Variants in RPL37A observed in about 807,000 individuals in gnomAD.
RPL37A encodes ribosomal protein L37a.
Under a neutral mutation model 13.6 loss-of-function variants are expected in RPL37A, and 5 were observed. The observed-to-expected ratio is 0.37, with a 90% CI of 0.19 to 0.78. RPL37A has a LOEUF of 0.78. Among genes scored for constraint, RPL37A ranks in the 30% least tolerant of loss-of-function variants. RPL37A has a pLI of 0.49. For missense variants in RPL37A, 77 were observed against 120.0 expected (o/e 0.64, Z 1.67); for synonymous variants, 50 against 44.4 (o/e 1.13, Z -0.50).
chr2:216,502,781 A>C lies in RPL37A; in HGVS notation c.*1377A>C, dbSNP rs1486207901. ...AGGACAGAGTAAAAACCTTTATTTC[A>C]CTTGGTCTGACCCCTATCTTCTATA... is the stretch of plus-strand genomic sequence containing the variant. On this transcript the variant is annotated 3_prime_UTR_variant, in exon 4 of 4. Transcript: ENST00000491306. 6.6e-6 allele frequency: 1 copy of C among 152,182 alleles called. No homozygotes were observed. The highest frequency in any genetic ancestry group is 1.5e-5 in the Non-Finnish European group (1 of 68,032). The allele number at this position is 152,182 out of a possible 1,614,324, so 9.4% of individuals were successfully genotyped here.
At chr2:216,499,066 G>C in intron 1 of RPL37A, 189 bp downstream of exon 1, 1 of 1,140,066 alleles carries the variant, frequency 8.8e-7, no homozygotes, top group Non-Finnish European at 1.2e-6. Flanking sequence ...GGCCTGGCGC[G>C]CTCCAGCCGG....
chr2:216,499,046 G>A (rs955834086), intron 1 of RPL37A, 169 bp downstream of exon 1: 3 of 1,218,290 alleles, frequency 2.5e-6, no homozygotes, highest in East Asian at 2.5e-5. Context: ...GGGCGGGGGC[G>A]CCTTGGCTGG....
rs144312540 is a variant in RPL37A, at chr2:216,502,188, A to T, written c.*784A>T. On this transcript the variant is annotated 3_prime_UTR_variant, in exon 4 of 4. Coordinates refer to ENST00000491306, the MANE Select transcript of RPL37A (RefSeq NM_000998.5). Reference sequence around the variant, plus strand: ...CGAAAAATACAAAAAATAGCTTGGTATGGTGGCACATGCCTGTAATCCCAG... The same window carrying T: ...CGAAAAATACAAAAAATAGCTTGGTTTGGTGGCACATGCCTGTAATCCCAG... The T allele has an allele frequency of 6.6e-6, 1 of 151,896 alleles. No individual in the cohort carries two copies. The highest frequency in any genetic ancestry group is 1.5e-5 in the Non-Finnish European group (1 of 68,008). The allele number at this position is 151,896 out of a possible 1,614,324, so 9.4% of individuals were successfully genotyped here.
intron 1 of RPL37A, 43 bp downstream of exon 1, chr2:216,498,920 C>G (rs774733823): frequency 6.2e-7 from 1 of 1,613,244 alleles, no homozygotes; most frequent in Non-Finnish European, 8.5e-7. Context: ...TATCTGCCTG[C>G]ATCTGTCCTT....
chr2:216,502,653 TTC>T lies in RPL37A; in HGVS notation c.*1252_*1253del, dbSNP rs1461088648. On this transcript the variant is annotated 3_prime_UTR_variant, in exon 4 of 4. Coordinates refer to ENST00000491306, the MANE Select transcript of RPL37A (RefSeq NM_000998.5). Reference sequence around the variant, plus strand: ...CTCCTCAACCATCTGTGGTATGGACTTCTCAGTCCTCCTAATTGGTATGTCTT... The same window carrying T: ...CTCCTCAACCATCTGTGGTATGGACTTCAGTCCTCCTAATTGGTATGTCTT... 3.3e-5 allele frequency: 5 copies of T among 152,224 alleles called. No individual in the cohort carries two copies. Among genetic ancestry groups the T allele is most frequent in the South Asian group, 4.1e-4 (2 of 4,836 alleles). 9.4% of individuals were successfully genotyped at this position (152,224 alleles called of 1,614,324 possible).
chr2:216,503,610 C>G lies in RPL37A; in HGVS notation c.*2206C>G, dbSNP rs1282002563. On this transcript the variant is annotated 3_prime_UTR_variant, in exon 4 of 4. Coordinates refer to ENST00000491306, the MANE Select transcript of RPL37A (RefSeq NM_000998.5). ...AGAGATGGGCTTTCGCCATGTTGAC[C>G]AGGCTGGTCTCAAACTCCCAGGCTC... 1 of 152,168 alleles carries G rather than the reference C, an allele frequency of 6.6e-6. No homozygotes were observed. The allele number at this position is 152,168 out of a possible 1,614,324, so 9.4% of individuals were successfully genotyped here.
At chr2:216,499,533 T>G in intron 2 of RPL37A, 135 bp downstream of exon 2, 2 of 1,105,022 alleles carry the variant, frequency 1.8e-6, no homozygotes, top group Non-Finnish European at 1.3e-6. Flanking sequence ...ATTATGAGTT[T>G]TAAGATAAAA....
intron 3 of RPL37A, 25 bp from the exon 4 acceptor site, chr2:216,501,316 T>C: frequency 6.2e-7 from 1 of 1,600,834 alleles, no homozygotes; most frequent in Non-Finnish European, 8.6e-7. Context: ...CTTAATTATG[T>C]TGGAAACTGA....
At position 216,500,235 on chromosome 2, in the gene RPL37A, C is replaced by G. The variant is rs1267078881; in HGVS notation, c.215+204C>G. ...AACTACCAAAATAGAAGTCGGAAAT[C>G]TAATTCACAGACTACTTTAGAATTT... is the stretch of plus-strand genomic sequence containing the variant. On this transcript the variant is annotated intron_variant, in intron 3 of 3. Coordinates refer to ENST00000491306, the MANE Select transcript of RPL37A (RefSeq NM_000998.5). 6.7e-6 allele frequency: 4 copies of G among 595,170 alleles called. No individual in the cohort carries two copies. In the East Asian group the frequency reaches 1.1e-4, roughly 17 times the overall value. The allele number at this position is 595,170 out of a possible 1,614,324, so 36.9% of individuals were successfully genotyped here. A position where few individuals can be genotyped will look rare whatever the true frequency, so the allele number is the denominator to read the frequency against.
rs374373546 is a variant in RPL37A at position 216,498,888 on chromosome 2, G to T, written c.3+11G>T. ...GGTCGCGGCGACATGGTGAGTGTGG[G>T]TCTCTGTGCGGCCTAGAACTCTATC... On this transcript the variant is annotated intron_variant, in intron 1 of 3. Coordinates refer to ENST00000491306, the MANE Select transcript of RPL37A (RefSeq NM_000998.5). 2 of 1,613,828 alleles carry T rather than the reference G, an allele frequency of 1.2e-6. No homozygotes were observed. Among genetic ancestry groups the T allele is most frequent in the Admixed American group, 3.3e-5 (2 of 60,010 alleles).
In RPL37A at chr2:216,503,143, C is replaced by T. The variant is rs1157124516; in HGVS notation, c.*1739C>T. ...ATCTCCAGGTGAGTGACCAGGATTTCATGTAAGCATAGGGAATTGAATGAG... is the reference window on the plus strand; with the variant it reads ...ATCTCCAGGTGAGTGACCAGGATTTTATGTAAGCATAGGGAATTGAATGAG... On this transcript the variant is annotated 3_prime_UTR_variant, in exon 4 of 4. Transcript: ENST00000491306. The T allele has an allele frequency of 6.6e-6, 1 of 152,156 alleles. No homozygotes were observed. The highest frequency in any genetic ancestry group is 6.5e-5 in the Admixed American group (1 of 15,280). 9.4% of individuals were successfully genotyped at this position (152,156 alleles called of 1,614,324 possible).
Position 216,499,379 on chromosome 2 carries a change from C to T in RPL37A, c.113C>T (p.Thr38Ile), listed in dbSNP as rs1385268936. ...KIEISQHAKY[T>I]CSFCGKTKMK... Reference sequence around the variant, plus strand: ...GAAATCAGCCAGCACGCCAAGTACACTTGCTCTTTCTGTGGCAAAGTAAGT... The same window carrying T: ...GAAATCAGCCAGCACGCCAAGTACATTTGCTCTTTCTGTGGCAAAGTAAGT... The change falls in exon 2 of 4, where the codon ACT becomes ATT. Residue 38 changes from threonine to isoleucine, a missense_variant. By Grantham distance (89) the Thr-to-Ile change is moderately conservative (BLOSUM62 -1). Around this residue, in one of 3 missense-constraint regions of RPL37A, gnomAD observed 59 missense variants for 65.5 expected, o/e 0.90. Coordinates refer to ENST00000491306, the MANE Select transcript of RPL37A (RefSeq NM_000998.5). 2.5e-6 allele frequency: 4 copies of T among 1,614,180 alleles called. No individual in the cohort carries two copies. The highest frequency in any genetic ancestry group is 1.7e-4 in the Middle Eastern group (1 of 6,058).
In RPL37A at chr2:216,502,382, TATG is replaced by T. The variant is rs1179056067; in HGVS notation, c.*982_*984del. ...AAGGATATACATATACTGCCTCTTC[TATG>T]ATGTTTCATTTGACCTACACCATCA... On this transcript the variant is annotated 3_prime_UTR_variant, in exon 4 of 4. Transcript: ENST00000491306. 6.6e-6 allele frequency: 1 copy of T among 152,240 alleles called. No individual in the cohort carries two copies. Among genetic ancestry groups the T allele is most frequent in the Non-Finnish European group, 1.5e-5 (1 of 68,044 alleles). 9.4% of individuals were successfully genotyped at this position (152,240 alleles called of 1,614,324 possible). A position where few individuals can be genotyped will look rare whatever the true frequency, so the allele number is the denominator to read the frequency against.
rs780227256 is a variant in RPL37A, at chr2:216,500,001, A to G, written c.185A>G (p.Lys62Arg). 1 of 1,613,982 alleles carries G rather than the reference A, an allele frequency of 6.2e-7. No homozygotes were observed. Among genetic ancestry groups the G allele is most frequent in the African/African-American group, 1.3e-5 (1 of 75,050 alleles). Reference sequence around the variant, plus strand: ...ATCTGGCACTGTGGTTCCTGCATGAAGACAGTGGCTGGCGGTGCCTGGACG... The same window carrying G: ...ATCTGGCACTGTGGTTCCTGCATGAGGACAGTGGCTGGCGGTGCCTGGACG... Reference protein sequence around the residue: ...VGIWHCGSCMKTVAGGAWTYN... With the variant: ...VGIWHCGSCMRTVAGGAWTYN... The change falls in exon 3 of 4, where the codon AAG becomes AGG. Residue 62 changes from lysine to arginine, a missense_variant. By Grantham distance (26) the Lys-to-Arg change is conservative (BLOSUM62 2). Coordinates refer to ENST00000491306, the MANE Select transcript of RPL37A (RefSeq NM_000998.5).
At chr2:216,498,913 C>T (rs757178572) in intron 1 of RPL37A, 36 bp downstream of exon 1, 49 of 1,613,336 alleles carry the variant, frequency 3.0e-5, no homozygotes, top group Middle Eastern at 1.6e-4. Flanking sequence ...AGAACTCTAT[C>T]TGCCTGCATC....
rs892514070 is a variant in RPL37A, at chr2:216,499,706, C to T, written c.133-243C>T. 5 of 670,730 alleles carry T rather than the reference C, an allele frequency of 7.5e-6. No individual in the cohort carries two copies. In the African/African-American group the frequency reaches 8.9e-5, roughly 12 times the overall value. The allele number at this position is 670,730 out of a possible 1,614,324, so 41.5% of individuals were successfully genotyped here. A position where few individuals can be genotyped will look rare whatever the true frequency, so the allele number is the denominator to read the frequency against. On this transcript the variant is annotated intron_variant, in intron 2 of 3. Transcript: ENST00000491306. ...GTTTTGTCTACTGATGTTTCTGCAC[C>T]AACTCCCAAGATGTCTGTGCATCTA...
Position 216,499,978 on chromosome 2 carries a change from C to G in RPL37A, c.162C>G (p.Ile54Met), listed in dbSNP as rs757684809. 1.2e-6 allele frequency: 2 copies of G among 1,614,114 alleles called. No homozygotes were observed. The highest frequency in any genetic ancestry group is 1.1e-5 in the South Asian group (1 of 91,088). ...KTKMKRRAVGIWHCGSCMKTV... is the reference protein window; with the variant it reads ...KTKMKRRAVGMWHCGSCMKTV... ...AGATGAAGAGACGAGCTGTGGGGATCTGGCACTGTGGTTCCTGCATGAAGA... is the reference window on the plus strand; with the variant it reads ...AGATGAAGAGACGAGCTGTGGGGATGTGGCACTGTGGTTCCTGCATGAAGA... The change falls in exon 3 of 4, where the codon ATC becomes ATG. Residue 54 changes from isoleucine to methionine, a missense_variant. Around this residue, in one of 3 missense-constraint regions of RPL37A, gnomAD observed 59 missense variants for 65.5 expected, o/e 0.90. Transcript: ENST00000491306.
chr2:216,503,969 T>G lies in RPL37A; in HGVS notation c.*2565T>G, dbSNP rs1247601214. On this transcript the variant is annotated 3_prime_UTR_variant, in exon 4 of 4. Transcript: ENST00000491306. ...AAGATGGCCCACCTTCGTTTTGTTA[T>G]TTAAGCAACTTCATCCCCTGGCTTG... 1.3e-5 allele frequency: 2 copies of G among 152,244 alleles called. No homozygotes were observed. Among genetic ancestry groups the G allele is most frequent in the Admixed American group, 6.5e-5 (1 of 15,290 alleles). The allele number at this position is 152,244 out of a possible 1,614,324, so 9.4% of individuals were successfully genotyped here. A position where few individuals can be genotyped will look rare whatever the true frequency, so the allele number is the denominator to read the frequency against.
At chr2:216,499,105 C>T (rs1465502273) in intron 1 of RPL37A, 165 bp from the exon 2 acceptor site, 2 of 1,174,810 alleles carry the variant, frequency 1.7e-6, no homozygotes, top group African/African-American at 3.1e-5. Context: ...GAGCGCGCGG[C>T]CAGCCCTGGG....
Sources: gnomAD v4.1 joint callset for allele counts on GRCh38, gnomAD v4.1.1 for gene constraint, gnomAD v4.1.1 regional missense constraint, MANE v1.5 for transcripts, NCBI Gene and HGNC (gene_info 2026-07-23, HGNC 2026-07-21) for gene names.